ICE2: variants seen among roughly 807,000 people sequenced by gnomAD.
The protein encoded by ICE2 is interactor of little elongation complex ELL subunit 2.
In ICE2, 87 loss-of-function variants were observed where a neutral mutation model predicts 105.4. The ratio of observed to expected loss-of-function variants is 0.83; its 90% CI spans 0.69 to 0.99. ICE2 has a LOEUF of 0.99. Ranked by LOEUF, ICE2 falls within the 50% of genes least tolerant of loss-of-function variation. ICE2 has a pLI of 0.00. For synonymous variants in ICE2, 399 were observed against 392.0 expected, an observed-to-expected ratio of 1.02 and a Z score of -0.21; for missense variants, 1,323 against 1,146.7, an observed-to-expected ratio of 1.15 and a Z score of -2.22.
At chr15:60,460,652 T>C (rs2064249691) in intron 5 of ICE2, among the ~76,000 whole-genome samples, 1 of 152,224 alleles carries the variant, frequency 6.6e-6, no homozygotes, top group African/African-American at 2.4e-5. Flanking sequence ...GGCTGTCCAG[T>C]ACACTGTAGG....
intron 8 of ICE2, 102 bp from the exon 9 acceptor site, chr15:60,453,886 A>G (rs978370266): frequency 3.3e-5 from 29 of 886,698 alleles, no homozygotes; most frequent in Non-Finnish European, 5.1e-5. Context: ...AAAGAGACAC[A>G]GGAGAATGGC....
chr15:60,466,714 C>T lies in ICE2; in HGVS notation c.409-1G>A, dbSNP rs1388133579. 1 of 1,593,306 alleles carries T rather than the reference C, an allele frequency of 6.3e-7. No homozygotes were observed. The highest frequency in any genetic ancestry group is 8.5e-7 in the Non-Finnish European group (1 of 1,173,582). Reference sequence around the variant, plus strand: ...CTTCGTTCACATGTTTTTTCATATCCTGATTTTTAAAAAAGTAGACATGTC... The same window carrying T: ...CTTCGTTCACATGTTTTTTCATATCTTGATTTTTAAAAAAGTAGACATGTC... On this transcript the variant is annotated splice_acceptor_variant, in intron 4 of 15. Transcript: ENST00000261520. LOFTEE classifies it high-confidence loss of function.
At chr15:60,430,449 T>TTAATTTGTGG (rs11280755) in intron 14 of ICE2, among the ~76,000 whole-genome samples, 97,472 of 151,440 alleles carry the variant, frequency 0.64, 33,152 homozygotes, top group East Asian at 0.93. Flanking sequence ...TTTTATAATC[T>TTAATTTGTGG]TAATTTGTTA....
chr15:60,463,207 A>C (rs1337935149), intron 5 of ICE2, among the ~76,000 whole-genome samples: 2 of 152,228 alleles, frequency 1.3e-5, no homozygotes, highest in African/African-American at 4.8e-5. Flanking sequence ...TCGTGAGTCA[A>C]GAAGCATCTG....
chr15:60,424,922 C>T (rs2063308654), intron 15 of ICE2, among the ~76,000 whole-genome samples: 1 of 152,218 alleles, frequency 6.6e-6, no homozygotes, highest in Admixed American at 6.5e-5. Flanking sequence ...GCTGTATAGC[C>T]TGAAACTATT....
chr15:60,457,381 T>C (rs1595794872), intron 5 of ICE2, among the ~76,000 whole-genome samples: 4 of 152,292 alleles, frequency 2.6e-5, no homozygotes, highest in South Asian at 2.1e-4. Context: ...TCTGATAATA[T>C]AGAAACAATT....
chr15:60,429,054 T>C (rs1378785877), intron 14 of ICE2, among the ~76,000 whole-genome samples: 3 of 152,174 alleles, frequency 2.0e-5, no homozygotes, highest in African/African-American at 7.2e-5. Context: ...CATTTAACAC[T>C]GCAACTATTT....
chr15:60,419,733 CAAAAT>C lies in ICE2; in HGVS notation c.*3896_*3900del, dbSNP rs57957570. ...TACCAAACAAAAAAACAGAACAAAACAAAATACTACTATATACCTATAATGCATAG... is the reference window on the plus strand; with the variant it reads ...TACCAAACAAAAAAACAGAACAAAACACTACTATATACCTATAATGCATAG... On this transcript the variant is annotated 3_prime_UTR_variant, in exon 16 of 16. Coordinates refer to ENST00000261520, the MANE Select transcript of ICE2 (RefSeq NM_024611.6). The C allele has an allele frequency of 0.28, 42,758 of 151,840 alleles. 6,338 individuals carry two copies. Among genetic ancestry groups the C allele is most frequent in the Middle Eastern group, 0.45 (131 of 292 alleles). 9.4% of individuals were successfully genotyped at this position (151,840 alleles called of 1,614,324 possible). A position where few individuals can be genotyped will look rare whatever the true frequency, so the allele number is the denominator to read the frequency against.
chr15:60,457,529 C>G (rs2064159466), intron 5 of ICE2, among the ~76,000 whole-genome samples: 1 of 152,156 alleles, frequency 6.6e-6, no homozygotes, highest in Non-Finnish European at 1.5e-5. Flanking sequence ...TTTTAGGTCA[C>G]AAAAGCTCTT....
intron 3 of ICE2, among the ~76,000 whole-genome samples, chr15:60,471,689 C>T (rs944484134): frequency 2.6e-5 from 4 of 152,018 alleles, no homozygotes; most frequent in African/African-American, 9.7e-5. Flanking sequence ...TCTCTATTCA[C>T]GTATACAGCA....
At position 60,435,606 on chromosome 15, in the gene ICE2, A is replaced by G. The variant is rs1004764045; in HGVS notation, c.2510+537T>C. 3.4e-4 allele frequency among the ~76,000 whole-genome samples: 52 copies of G among 151,102 alleles called. 1 individual carries two copies. Among genetic ancestry groups the G allele is most frequent in the East Asian group, 7.8e-4 (4 of 5,126 alleles). On this transcript the variant is annotated intron_variant, in intron 13 of 15. Coordinates refer to ENST00000261520, the MANE Select transcript of ICE2 (RefSeq NM_024611.6). ...AAGAGCAAAACTCTGTCTCAAAAAA[A>G]AAAAAAAAAATCACATGTACCCCAA...
intron 14 of ICE2, 98 bp downstream of exon 14, chr15:60,431,836 T>C: frequency 3.1e-6 from 2 of 643,324 alleles, no homozygotes; most frequent in Non-Finnish European, 5.4e-6. Context: ...TTCTAGGTTA[T>C]TTTGTCTCTA....
At chr15:60,458,172 C>T (rs377482278) in intron 5 of ICE2, among the ~76,000 whole-genome samples, 2 of 151,962 alleles carry the variant, frequency 1.3e-5, no homozygotes, top group Admixed American at 6.6e-5. Flanking sequence ...ATCAACTAAA[C>T]GATCATTATT....
At chr15:60,432,726 A>G (rs2063489197) in intron 13 of ICE2, among the ~76,000 whole-genome samples, 1 of 151,860 alleles carries the variant, frequency 6.6e-6, no homozygotes, top group African/African-American at 2.4e-5. Context: ...CCTCATCTCT[A>G]CTAAAAATAC....
At chr15:60,454,407 T>C (rs1375693386) in intron 8 of ICE2, among the ~76,000 whole-genome samples, 1 of 152,088 alleles carries the variant, frequency 6.6e-6, no homozygotes, top group East Asian at 1.9e-4. Context: ...AAGTACTACG[T>C]TCCTTTCATT....
At chr15:60,470,430 T>C (rs895755393) in intron 3 of ICE2, among the ~76,000 whole-genome samples, 1 of 152,104 alleles carries the variant, frequency 6.6e-6, no homozygotes, top group Non-Finnish European at 1.5e-5. Flanking sequence ...TGGAAGCCTG[T>C]AGGTGTATTT....
rs556439604 is a variant in ICE2, at chr15:60,451,190, T to C, written c.1126-1349A>G. 82 of 661,144 alleles carry C rather than the reference T, an allele frequency of 1.2e-4. 1 individual carries two copies. The highest frequency in any genetic ancestry group is 1.5e-4 in the Non-Finnish European group (81 of 534,462). 41.0% of individuals were successfully genotyped at this position (661,144 alleles called of 1,614,324 possible). ...AAGTCAATGAGATACTGTCTCTAAGTAAAAAATAAAAAGGAATCCAGAAAG... is the reference window on the plus strand; with the variant it reads ...AAGTCAATGAGATACTGTCTCTAAGCAAAAAATAAAAAGGAATCCAGAAAG... On this transcript the variant is annotated intron_variant, in intron 9 of 15. Transcript: ENST00000261520.
chr15:60,435,104 AC>A (rs892922634), intron 13 of ICE2, among the ~76,000 whole-genome samples: 5 of 150,946 alleles, frequency 3.3e-5, no homozygotes, highest in African/African-American at 9.8e-5. Context: ...ACACGGTGAA[AC>A]CCCATCTCTA....
intron 1 of ICE2, 88 bp downstream of exon 1, chr15:60,478,915 C>T: frequency 2.2e-6 from 1 of 454,788 alleles, no homozygotes; most frequent in Non-Finnish European, 4.4e-6. Flanking sequence ...CGCCATGTTC[C>T]CTCCTCCCGC....
Sources: gnomAD v4.1 joint callset for allele counts (sites outside exome capture counted in the v4.1 genomes callset) on GRCh38, gnomAD v4.1.1 for gene constraint, MANE v1.5 for transcripts, NCBI Gene and HGNC (gene_info 2026-07-23, HGNC 2026-07-21) for gene names.